The following KIAA1958 variants were observed in gnomAD, a reference collection of about 807,000 sequenced individuals.
KIAA1958 encodes uncharacterized protein KIAA1958.
Under a neutral mutation model 47.2 loss-of-function variants are expected in KIAA1958, and 14 were observed. The ratio of observed to expected loss-of-function variants is 0.30; its 90% confidence interval spans 0.20 to 0.46. The LOEUF (loss-of-function observed/expected upper bound fraction) is 0.46, where lower values mean the gene tolerates loss of function less well. Ranked by LOEUF, KIAA1958 falls within the 20% of genes least tolerant of loss-of-function variation. The pLI, the probability that KIAA1958 is intolerant of heterozygous loss-of-function variation, is 1.00. For missense variants in KIAA1958, 803 were observed against 909.2 expected (o/e 0.88, Z 1.50); for synonymous variants, 354 against 353.3 (o/e 1.00, Z -0.02).
chr9:112,502,443 A>G (rs1834158532), intron 1 of KIAA1958, among the ~76,000 whole-genome samples: 1 of 4,860 alleles, frequency 2.1e-4, no homozygotes, highest in Non-Finnish European at 4.2e-4. Flanking sequence ...GCTGAGTTTA[A>G]TGTGTTTAAA....
At position 112,659,600 on chromosome 9, in the gene KIAA1958, A is replaced by T; in HGVS notation, c.1682A>T (p.Lys561Met). Reference protein sequence around the residue: ...SPITLLSTVVKYNSQYLNMRT... With the variant: ...SPITLLSTVVMYNSQYLNMRT... ...ATCACTCTCCTGTCCACTGTGGTCAAGTACAACAGCCAGTACCTGAACATG... is the reference window on the plus strand; with the variant it reads ...ATCACTCTCCTGTCCACTGTGGTCATGTACAACAGCCAGTACCTGAACATG... The change falls in exon 4 of 4, where the codon AAG becomes ATG. Residue 561 changes from lysine to methionine, a missense_variant. Physicochemically the swap from Lys to Met is moderately conservative, Grantham distance 95. Around this residue, in one of 2 missense-constraint regions of KIAA1958, gnomAD observed 761 missense variants for 829.3 expected, o/e 0.92. Transcript: ENST00000337530. The T allele has an allele frequency of 6.2e-7, 1 of 1,613,916 alleles. No individual in the cohort carries two copies. Among genetic ancestry groups the T allele is most frequent in the Non-Finnish European group, 8.5e-7 (1 of 1,179,912 alleles).
intron 1 of KIAA1958, among the ~76,000 whole-genome samples, chr9:112,544,532 G>A (rs4979131): frequency 0.95 from 145,399 of 152,320 alleles, 69,469 homozygotes; most frequent in African/African-American, 0.99. Flanking sequence ...AAATAAGTCA[G>A]GATTGGTGAA....
intron 2 of KIAA1958, chr9:112,582,713 A>C (rs536787347): frequency 2.6e-5 from 4 of 151,310 alleles, no homozygotes; most frequent in South Asian, 4.2e-4. Context: ...GAGAAACAGC[A>C]ATAGCCCTGA....
At chr9:112,646,105 G>A (rs1836971074) in intron 3 of KIAA1958, among the ~76,000 whole-genome samples, 1 of 149,734 alleles carries the variant, frequency 6.7e-6, no homozygotes, top group African/African-American at 2.5e-5. Context: ...TTTTTTTGAG[G>A]AAAGATAAGA....
chr9:112,610,728 G>T (rs1836313507), intron 2 of KIAA1958, among the ~76,000 whole-genome samples: 1 of 152,158 alleles, frequency 6.6e-6, no homozygotes, highest in Non-Finnish European at 1.5e-5. Context: ...AGAATTTCAA[G>T]TATAGTTAAT....
intron 2 of KIAA1958, among the ~76,000 whole-genome samples, chr9:112,612,049 A>T (rs1017220099): frequency 5.6e-4 from 2 of 3,600 alleles, no homozygotes; most frequent in Admixed American, 6.6e-3. Flanking sequence ...ATATATATTA[A>T]AAAATGTTTA....
chr9:112,615,813 T>G lies in KIAA1958; in HGVS notation c.1172-29837T>G, dbSNP rs577384531. 5.9e-5 allele frequency among the ~76,000 whole-genome samples: 9 copies of G among 152,304 alleles called. No homozygotes were observed. The East Asian group carries it at 1.7e-3, about 29-fold the overall frequency. On this transcript the variant is annotated intron_variant, in intron 2 of 3. Coordinates refer to ENST00000337530, the MANE Select transcript of KIAA1958 (RefSeq NM_133465.4). ...TTCGACTTTGAGGAGCCAAACAAAA[T>G]TTATAAGTCAATACACCCCAGAGTA...
chr9:112,590,158 T>C (rs1028412129), intron 2 of KIAA1958, among the ~76,000 whole-genome samples: 1 of 152,178 alleles, frequency 6.6e-6, no homozygotes, highest in African/African-American at 2.4e-5. Flanking sequence ...CTAGGAGACC[T>C]ACTGAATCAA....
chr9:112,649,899 C>T (rs1483639680), intron 3 of KIAA1958, among the ~76,000 whole-genome samples: 1 of 151,956 alleles, frequency 6.6e-6, no homozygotes, highest in African/African-American at 2.4e-5. Flanking sequence ...AAATATGGAT[C>T]TAAACAAAGG....
At chr9:112,559,718 A>C (rs190294906) in intron 1 of KIAA1958, among the ~76,000 whole-genome samples, 1 of 152,342 alleles carries the variant, frequency 6.6e-6, no homozygotes, top group Non-Finnish European at 1.5e-5. Flanking sequence ...CATCAGGAGA[A>C]TGAGGCTATG....
chr9:112,664,642 G>C lies in KIAA1958; in HGVS notation c.*4573G>C, dbSNP rs530588730. ...TTGGAGTGAATTTTTAATACTCTGT[G>C]TTAAAAGAAAAACATTCCATCTTGT... On this transcript the variant is annotated 3_prime_UTR_variant, in exon 4 of 4. Transcript: ENST00000337530. 1 of 152,254 alleles carries C rather than the reference G, an allele frequency of 6.6e-6. No homozygotes were observed. The highest frequency in any genetic ancestry group is 2.4e-5 in the African/African-American group (1 of 41,556). The allele number at this position is 152,254 out of a possible 1,614,324, so 9.4% of individuals were successfully genotyped here. A position where few individuals can be genotyped will look rare whatever the true frequency, so the allele number is the denominator to read the frequency against.
intron 1 of KIAA1958, among the ~76,000 whole-genome samples, chr9:112,511,502 C>T (rs888740338): frequency 1.3e-5 from 2 of 152,038 alleles, no homozygotes; most frequent in Non-Finnish European, 2.9e-5. Flanking sequence ...AAATGATATA[C>T]CATAAAATCT....
chr9:112,645,721 G>T lies in KIAA1958; in HGVS notation c.1243G>T (p.Ala415Ser). Reference protein sequence around the residue: ...NDDLNDLCTSAVSPNTTKATR... With the variant: ...NDDLNDLCTSSVSPNTTKATR... Reference sequence around the variant, plus strand: ...TGACTTGAATGATCTGTGTACCAGTGCAGTAAGCCCAAATACTACCAAAGC... The same window carrying T: ...TGACTTGAATGATCTGTGTACCAGTTCAGTAAGCCCAAATACTACCAAAGC... The change falls in exon 3 of 4, where the codon GCA becomes TCA. Residue 415 changes from alanine (A) to serine (S), a missense_variant. Around this residue, in one of 2 missense-constraint regions of KIAA1958, gnomAD observed 761 missense variants for 829.3 expected, o/e 0.92. Coordinates refer to ENST00000337530, the MANE Select transcript of KIAA1958 (RefSeq NM_133465.4). 6.2e-7 allele frequency: 1 copy of T among 1,613,958 alleles called. No homozygotes were observed. The highest frequency in any genetic ancestry group is 8.5e-7 in the Non-Finnish European group (1 of 1,179,852).
rs80232684 is a variant in KIAA1958 at position 112,525,802 on chromosome 9, A to G, written c.-25+38684A>G. Among the ~76,000 whole-genome samples, 311 of 151,372 alleles carry G rather than the reference A, an allele frequency of 2.1e-3. 1 individual carries two copies. The highest frequency in any genetic ancestry group is 7.1e-3 in the African/African-American group (291 of 41,184). On this transcript the variant is annotated intron_variant, in intron 1 of 3. Coordinates refer to ENST00000337530, the MANE Select transcript of KIAA1958 (RefSeq NM_133465.4). ...TACATTGCATAACCAAAATATGAAC[A>G]GACCCGCAATTTACTGAATCTGGGT...
intron 1 of KIAA1958, among the ~76,000 whole-genome samples, chr9:112,495,509 GA>G (rs1210424934): frequency 6.6e-6 from 1 of 152,156 alleles, no homozygotes; most frequent in Non-Finnish European, 1.5e-5. Flanking sequence ...TGAGAAAGAT[GA>G]AAAATACCAA....
At chr9:112,503,925 TTA>T (rs5900006) in intron 1 of KIAA1958, among the ~76,000 whole-genome samples, 121,011 of 147,436 alleles carry the variant, frequency 0.82, 50,192 homozygotes, top group African/African-American at 0.94. Flanking sequence ...GGGTTATAAA[TTA>T]TATATATATA....
chr9:112,544,182 T>C (rs1404469972), intron 1 of KIAA1958, among the ~76,000 whole-genome samples: 1 of 152,226 alleles, frequency 6.6e-6, no homozygotes, highest in African/African-American at 2.4e-5. Flanking sequence ...CCTTCTTTAC[T>C]GTAAAGTGGA....
intron 1 of KIAA1958, among the ~76,000 whole-genome samples, chr9:112,501,636 A>G (rs1210802845): frequency 6.6e-6 from 1 of 152,178 alleles, no homozygotes; most frequent in Non-Finnish European, 1.5e-5. Flanking sequence ...GTAGCCAAGC[A>G]TTTCGGGCAG....
rs769958295 is a variant in KIAA1958, at chr9:112,618,941, G to A, written c.1172-26709G>A. 1.8e-5 allele frequency: 27 copies of A among 1,499,230 alleles called. No individual in the cohort carries two copies. Among genetic ancestry groups the A allele is most frequent in the African/African-American group, 2.8e-5 (2 of 72,192 alleles). The allele number at this position is 1,499,230 out of a possible 1,614,324, so 92.9% of individuals were successfully genotyped here. On this transcript the variant is annotated intron_variant, in intron 2 of 3. Coordinates refer to ENST00000337530, the MANE Select transcript of KIAA1958 (RefSeq NM_133465.4). This position sits in a 1 kb window ranked among gnomAD's most constrained non-coding sequence, Gnocchi z 7.1. The stretch of plus-strand genomic sequence containing the variant: ...ACCAGGTGGCTTGAGCAAGACTCCA[G>A]TTTGGTTACTGTGTCCGGAGAAACT...
Sources: allele counts gnomAD v4.1 joint callset (sites outside exome capture counted in the v4.1 genomes callset), GRCh38; gene constraint gnomAD v4.1.1; regional missense constraint gnomAD v4.1.1; non-coding constraint Gnocchi (gnomAD v3.1); transcripts MANE v1.5; gene names NCBI Gene and HGNC (gene_info 2026-07-23, HGNC 2026-07-21).